VPS13B: variants seen among roughly 807,000 people sequenced by gnomAD.
VPS13B encodes the protein vacuolar protein sorting 13 homolog B.
Under a neutral mutation model 426.4 loss-of-function variants are expected in VPS13B, and 285 were observed. That is an observed-to-expected ratio of 0.67 (90% CI 0.61 to 0.74). VPS13B has a LOEUF of 0.74. Among genes scored for constraint, VPS13B ranks in the 30% least tolerant of loss-of-function variants. VPS13B has a pLI of 0.00. For missense variants in VPS13B, 4,537 were observed against 4,782.6 expected (o/e 0.95, Z 1.51); for synonymous variants, 1,676 against 1,676.4 (o/e 1.00, Z 0.01).
intron 17 of VPS13B, chr8:99,234,469 CCGCCGCCCCGCCCCGACTCTACA>C: frequency 1.8e-6 from 1 of 560,526 alleles, no homozygotes; most frequent in Non-Finnish European, 3.5e-6. Context: ...CTTGGCCTCG[CCGCCGCCCCGCCCCGACTCTACA>C]CGCCGGTAGG....
chr8:99,742,120 C>T (rs1809764200), intron 39 of VPS13B, among the ~76,000 whole-genome samples: 1 of 152,098 alleles, frequency 6.6e-6, no homozygotes, highest in Non-Finnish European at 1.5e-5. Flanking sequence ...CAAATAGACT[C>T]AATGAAAAAT....
chr8:99,308,421 C>T (rs1048153360), intron 19 of VPS13B, among the ~76,000 whole-genome samples: 2 of 152,066 alleles, frequency 1.3e-5, no homozygotes, highest in South Asian at 2.1e-4. Context: ...TGAGTGAGAA[C>T]ATGCGGTGTT....
At position 99,467,287 on chromosome 8, in the gene VPS13B, A is replaced by G. The variant is rs1284467005; in HGVS notation, c.3446-127A>G. On this transcript the variant is annotated intron_variant, in intron 23 of 61. Coordinates refer to ENST00000357162, the MANE Select transcript of VPS13B (RefSeq NM_152564.5). ...TGTTTAGCACCGTGGTCTCAGGAAT[A>G]CTATATTCACTTTTTATGATGCAGT... The G allele has an allele frequency of 1.8e-5, 18 of 992,472 alleles. No homozygotes were observed. The Admixed American group carries it at 2.3e-4, about 13-fold the overall frequency. 61.5% of individuals were successfully genotyped at this position (992,472 alleles called of 1,614,324 possible).
chr8:99,144,625 T>C (rs1307074826), intron 13 of VPS13B, among the ~76,000 whole-genome samples: 1 of 152,148 alleles, frequency 6.6e-6, no homozygotes, highest in African/African-American at 2.4e-5. Flanking sequence ...CTAAATGAGA[T>C]AGTGCACATA....
intron 21 of VPS13B, among the ~76,000 whole-genome samples, chr8:99,405,394 C>T (rs767493391): frequency 1.3e-5 from 2 of 152,204 alleles, no homozygotes; most frequent in Non-Finnish European, 2.9e-5. Context: ...CATTCCACTT[C>T]CAAGTTGTAT....
intron 21 of VPS13B, among the ~76,000 whole-genome samples, chr8:99,430,115 A>G (rs866784207): frequency 1.3e-5 from 2 of 152,174 alleles, no homozygotes; most frequent in Admixed American, 6.6e-5. Flanking sequence ...GGTTTGCTTT[A>G]ATAAACTTTA....
At chr8:99,383,895 C>G (rs1813974122) in intron 19 of VPS13B, among the ~76,000 whole-genome samples, 1 of 152,106 alleles carries the variant, frequency 6.6e-6, no homozygotes, top group Non-Finnish European at 1.5e-5. Context: ...CACTTTTTGG[C>G]TGTTACGAAT....
At chr8:99,867,751 C>A (rs1433290679) in intron 58 of VPS13B, among the ~76,000 whole-genome samples, 2 of 152,084 alleles carry the variant, frequency 1.3e-5, no homozygotes, top group African/African-American at 4.8e-5. Flanking sequence ...AGTAAGCATT[C>A]AAGATAGATT....
At chr8:99,474,625 A>G (rs1020020922) in intron 24 of VPS13B, among the ~76,000 whole-genome samples, 4 of 152,218 alleles carry the variant, frequency 2.6e-5, no homozygotes, top group Non-Finnish European at 5.9e-5. Flanking sequence ...AATATGCCCA[A>G]TATCATTATC....
intron 19 of VPS13B, among the ~76,000 whole-genome samples, chr8:99,380,534 G>T (rs1282777195): frequency 6.6e-6 from 1 of 152,020 alleles, no homozygotes; most frequent in Non-Finnish European, 1.5e-5. Flanking sequence ...GTCTGAGCAT[G>T]CTGCCTAAGG....
chr8:99,403,378 G>A (rs76536304), intron 21 of VPS13B, among the ~76,000 whole-genome samples: 142 of 151,984 alleles, frequency 9.3e-4, no homozygotes, highest in African/African-American at 3.1e-3. Context: ...GTGAAACCCC[G>A]TCTCTACTAA....
chr8:99,365,515 TC>T (rs777168494), intron 19 of VPS13B, among the ~76,000 whole-genome samples: 35 of 49,326 alleles, frequency 7.1e-4, no homozygotes, highest in South Asian at 3.3e-3. Flanking sequence ...TTCTTCTTCT[TC>T]TTTTTTTTTT....
At chr8:99,774,895 G>T (rs1010830529) in intron 40 of VPS13B, among the ~76,000 whole-genome samples, 4 of 152,160 alleles carry the variant, frequency 2.6e-5, no homozygotes, top group African/African-American at 9.7e-5. Context: ...ATAACCTAGT[G>T]CTCCAGAGTC....
chr8:99,766,910 T>A lies in VPS13B; in HGVS notation c.7187T>A (p.Val2396Glu), dbSNP rs754410472. ...CTCGTGAATGACCAGAAGAAATTAG[T>A]ATCTTCAGATCTTTGGAGAATTGTC... is the stretch of plus-strand genomic sequence containing the variant. ...INLVNDQKKL[V>E]SSDLWRIVLN... The change falls in exon 40 of 62, where the codon GTA (valine) becomes GAA (glutamate). Residue 2396 changes from valine (V) to glutamate (E), a missense_variant. Coordinates refer to ENST00000357162, the MANE Select transcript of VPS13B (RefSeq NM_152564.5). 12 of 1,614,072 alleles carry A rather than the reference T, an allele frequency of 7.4e-6. No individual in the cohort carries two copies. Among genetic ancestry groups the A allele is most frequent in the South Asian group, 1.1e-5 (1 of 91,084 alleles).
intron 39 of VPS13B, among the ~76,000 whole-genome samples, chr8:99,761,795 C>T (rs1014798205): frequency 6.6e-6 from 1 of 152,012 alleles, no homozygotes; most frequent in African/African-American, 2.4e-5. Flanking sequence ...TGTGTTTATG[C>T]AACATTTTAT....
intron 59 of VPS13B, among the ~76,000 whole-genome samples, chr8:99,869,241 G>A (rs1192765509): frequency 2.6e-5 from 4 of 152,202 alleles, no homozygotes; most frequent in Non-Finnish European, 5.9e-5. Flanking sequence ...TATCACAAAC[G>A]ACAGAAGCGC....
chr8:99,309,849 T>C (rs1163752688), intron 19 of VPS13B, among the ~76,000 whole-genome samples: 1 of 152,230 alleles, frequency 6.6e-6, no homozygotes, highest in Admixed American at 6.5e-5. Context: ...GTGTCATCTT[T>C]TATTTTGTTG....
intron 31 of VPS13B, among the ~76,000 whole-genome samples, chr8:99,560,486 A>G (rs1824851731): frequency 6.6e-6 from 1 of 152,200 alleles, no homozygotes; most frequent in South Asian, 2.1e-4. Context: ...GACAGAGATC[A>G]TCGCCATCAT....
intron 3 of VPS13B, among the ~76,000 whole-genome samples, chr8:99,049,376 A>G (rs1443729826): frequency 8.0e-6 from 1 of 125,714 alleles, no homozygotes; most frequent in Non-Finnish European, 1.7e-5. Context: ...TTATCTCAGT[A>G]TTTATTTGTC....
Sources: gnomAD v4.1 joint callset for allele counts (sites outside exome capture counted in the v4.1 genomes callset) on GRCh38, gnomAD v4.1.1 for gene constraint, MANE v1.5 for transcripts, NCBI Gene and HGNC (gene_info 2026-07-23, HGNC 2026-07-21) for gene names.